Variants in LRFN5 observed in about 807,000 individuals in gnomAD.
LRFN5 encodes leucine rich repeat and fibronectin type III domain containing 5.
Under a neutral mutation model 45.6 loss-of-function variants are expected in LRFN5, and 24 were observed. The observed-to-expected ratio is 0.53, with a 90% CI of 0.38 to 0.74. The LOEUF is 0.74. LRFN5 is among the 30% of genes least tolerant of loss of function. The pLI, the probability that LRFN5 is intolerant of heterozygous loss-of-function variation, is 0.00. For synonymous variants in LRFN5, 340 were observed against 313.8 expected, an observed-to-expected ratio of 1.08 and a Z score of -0.88; for missense variants, 776 against 861.5, an observed-to-expected ratio of 0.90 and a Z score of 1.24.
intron 4 of LRFN5, chr14:41,893,573 C>T: frequency 1.0e-6 from 1 of 985,182 alleles, no homozygotes; most frequent in Non-Finnish European, 1.2e-6. Context: ...GTTGAAATAC[C>T]ACTTAAGACA....
At chr14:41,776,537 C>T (rs1886299305) in intron 2 of LRFN5, among the ~76,000 whole-genome samples, 1 of 151,996 alleles carries the variant, frequency 6.6e-6, no homozygotes, top group South Asian at 2.1e-4. Context: ...GTTTTATTGT[C>T]ATCAGCTTTT....
At chr14:41,718,431 G>A (rs1306877954) in intron 1 of LRFN5, among the ~76,000 whole-genome samples, 1 of 152,042 alleles carries the variant, frequency 6.6e-6, no homozygotes, top group African/African-American at 2.4e-5. Flanking sequence ...GGATTAAAAA[G>A]GGCAGAGAAA....
intron 5 of LRFN5, among the ~76,000 whole-genome samples, chr14:41,900,729 G>T (rs764043175): frequency 1.1e-4 from 16 of 151,982 alleles, no homozygotes; most frequent in Non-Finnish European, 2.1e-4. Flanking sequence ...TGACCCCAAG[G>T]TAACTATTCT....
chr14:41,673,472 G>C (rs1881357899), intron 1 of LRFN5, among the ~76,000 whole-genome samples: 2 of 141,886 alleles, frequency 1.4e-5, no homozygotes, highest in Non-Finnish European at 3.2e-5. Flanking sequence ...CCTCCTGGAC[G>C]GGGCGGCTGG....
At chr14:41,628,437 T>A (rs745881436) in intron 1 of LRFN5, among the ~76,000 whole-genome samples, 1 of 151,978 alleles carries the variant, frequency 6.6e-6, no homozygotes, top group Non-Finnish European at 1.5e-5. Flanking sequence ...ACTTCATGTC[T>A]ACAAAAAAAA....
At chr14:41,759,700 C>T (rs1459976514) in intron 1 of LRFN5, among the ~76,000 whole-genome samples, 1 of 152,054 alleles carries the variant, frequency 6.6e-6, no homozygotes, top group African/African-American at 2.4e-5. Flanking sequence ...GTCTGGTACC[C>T]AAAGCAAATA....
chr14:41,769,265 C>G (rs1025462976), intron 2 of LRFN5, among the ~76,000 whole-genome samples: 5 of 152,084 alleles, frequency 3.3e-5, no homozygotes, highest in Non-Finnish European at 5.9e-5. Flanking sequence ...GGAATATCCA[C>G]TTGTGATTAA....
rs112053426 is a variant in LRFN5 at position 41,606,984 on chromosome 14, C to T, written c.-1775C>T. ...GGGAAGCCCAGCTCCCGGGTCCGCC[C>T]CGGCCGCGGCCGCAGCCCCGGACCT... On this transcript the variant is annotated 5_prime_UTR_variant, in exon 1 of 6. Transcript: ENST00000298119. 1.7e-3 allele frequency among the ~76,000 whole-genome samples: 264 copies of T among 152,128 alleles called. No individual in the cohort carries two copies. The highest frequency in any genetic ancestry group is 6.1e-3 in the African/African-American group (254 of 41,548).
intron 1 of LRFN5, among the ~76,000 whole-genome samples, chr14:41,673,893 G>A (rs1311306914): frequency 3.4e-5 from 5 of 147,068 alleles, no homozygotes; most frequent in Non-Finnish European, 7.5e-5. Flanking sequence ...GGCCAGGTGG[G>A]GGACTGATCC....
At chr14:41,738,268 G>A (rs1884533124) in intron 1 of LRFN5, among the ~76,000 whole-genome samples, 1 of 152,022 alleles carries the variant, frequency 6.6e-6, no homozygotes, top group Non-Finnish European at 1.5e-5. Context: ...TATAATAAAT[G>A]GTATTAGGAA....
At chr14:41,880,730 G>A (rs531565835) in intron 2 of LRFN5, among the ~76,000 whole-genome samples, 29 of 151,914 alleles carry the variant, frequency 1.9e-4, no homozygotes, top group Non-Finnish European at 1.2e-4. Context: ...AGAAGAGTTC[G>A]TATCTCCAAT....
intron 2 of LRFN5, among the ~76,000 whole-genome samples, chr14:41,784,029 A>G (rs1214861052): frequency 6.6e-6 from 1 of 152,138 alleles, no homozygotes; most frequent in Non-Finnish European, 1.5e-5. Flanking sequence ...ACATTGGCCT[A>G]TATGTAAGGA....
intron 2 of LRFN5, among the ~76,000 whole-genome samples, chr14:41,857,681 T>A (rs1858925552): frequency 6.6e-6 from 1 of 152,232 alleles, no homozygotes; most frequent in South Asian, 2.1e-4. Flanking sequence ...ACTCTGGACT[T>A]GTTCATCACA....
At chr14:41,800,732 A>C (rs866404312) in intron 2 of LRFN5, among the ~76,000 whole-genome samples, 10 of 151,754 alleles carry the variant, frequency 6.6e-5, no homozygotes, top group South Asian at 2.1e-4. Flanking sequence ...ATAAAAAAGT[A>C]AGTCTAAATT....
At chr14:41,753,364 C>G (rs774747653) in intron 1 of LRFN5, among the ~76,000 whole-genome samples, 2 of 152,126 alleles carry the variant, frequency 1.3e-5, no homozygotes, top group Non-Finnish European at 2.9e-5. Context: ...GGCAGTATGG[C>G]CATTTTCACA....
chr14:41,760,967 T>C (rs182235213), intron 1 of LRFN5, among the ~76,000 whole-genome samples: 1 of 152,150 alleles, frequency 6.6e-6, no homozygotes, highest in African/African-American at 2.4e-5. Context: ...CTAATAAAGA[T>C]TTGCCACCTC....
At chr14:41,898,888 G>A in intron 4 of LRFN5, 29 bp from the exon 5 acceptor site, 2 of 1,600,372 alleles carry the variant, frequency 1.2e-6, no homozygotes, top group Non-Finnish European at 1.7e-6. Flanking sequence ...AAAATGAATT[G>A]TTTATGACAC....
chr14:41,642,523 C>T lies in LRFN5; in HGVS notation c.-197+33961C>T, dbSNP rs563665832. Among the ~76,000 whole-genome samples, 91 of 152,130 alleles carry T rather than the reference C, an allele frequency of 6.0e-4. 1 individual carries two copies. Among genetic ancestry groups the T allele is most frequent in the Non-Finnish European group, 1.1e-3 (74 of 68,014 alleles). ...GTAATGCATAGGTCAACTTTCCTGG[C>T]TGAGGCAAGTGGTTCCTCATTGTTA... On this transcript the variant is annotated intron_variant, in intron 1 of 5. Transcript: ENST00000298119.
chr14:41,829,078 C>T (rs763604807), intron 2 of LRFN5, among the ~76,000 whole-genome samples: 7 of 152,042 alleles, frequency 4.6e-5, no homozygotes, highest in Non-Finnish European at 7.4e-5. Context: ...CTTCTTCTTA[C>T]TTCTCTGATG....
Sources: gnomAD v4.1 joint callset for allele counts (sites outside exome capture counted in the v4.1 genomes callset) on GRCh38, gnomAD v4.1.1 for gene constraint, MANE v1.5 for transcripts, NCBI Gene and HGNC (gene_info 2026-07-23, HGNC 2026-07-21) for gene names.